Variants in PRKD2 observed in about 807,000 individuals in gnomAD.
PRKD2 encodes protein kinase D2.
Under a neutral mutation model 86.0 loss-of-function variants are expected in PRKD2, and 22 were observed. That is an observed-to-expected ratio of 0.26 (90% CI 0.18 to 0.37). PRKD2 has a LOEUF of 0.37. Among genes scored for constraint, PRKD2 ranks in the 10% least tolerant of loss-of-function variants. PRKD2 has a pLI of 1.00. For missense variants in PRKD2, 818 were observed against 1,199.2 expected (o/e 0.68, Z 4.70); for synonymous variants, 509 against 510.9 (o/e 1.00, Z 0.05).
chr19:46,683,675 G>A (rs968459536), intron 14 of PRKD2, among the ~76,000 whole-genome samples: 33 of 151,992 alleles, frequency 2.2e-4, no homozygotes, highest in Non-Finnish European at 4.0e-4. Flanking sequence ...TCGACATCGC[G>A]CCATTGCACT....
chr19:46,704,768 G>T, intron 3 of PRKD2, 119 bp from the exon 4 acceptor site: 1 of 1,301,284 alleles, frequency 7.7e-7, no homozygotes, highest in Non-Finnish European at 1.0e-6. Context: ...CCCCCCGCCA[G>T]CACGATCTCC....
At chr19:46,694,155 C>T in intron 9 of PRKD2, 22 bp from the exon 10 acceptor site, 16 of 1,609,740 alleles carry the variant, frequency 9.9e-6, no homozygotes, top group Non-Finnish European at 1.4e-5. Flanking sequence ...GGAACCAGCA[C>T]AGGTGAGGAT....
chr19:46,703,639 G>A (rs535643641), intron 5 of PRKD2, among the ~76,000 whole-genome samples: 28 of 152,152 alleles, frequency 1.8e-4, no homozygotes, highest in Admixed American at 1.6e-3. Flanking sequence ...AGGCATGGTG[G>A]CGGGCGCCTG....
chr19:46,714,274 A>C, intron 1 of PRKD2: 2 of 1,213,766 alleles, frequency 1.6e-6, no homozygotes, highest in Non-Finnish European at 2.1e-6. Flanking sequence ...GAGCGTGGAC[A>C]CCTCGAATTT....
chr19:46,678,765 T>G lies in PRKD2; in HGVS notation c.2071-102A>C, dbSNP rs2053251656. On this transcript the variant is annotated intron_variant, in intron 15 of 17. Coordinates refer to ENST00000291281, the MANE Select transcript of PRKD2 (RefSeq NM_016457.5). This position sits in a 1 kb window ranked among gnomAD's most constrained non-coding sequence, Gnocchi z 5.7. ...CCATGGTATTCCAGAGAAAGCTGGA[T>G]GCTGGTTTGAATCCAGGCTCCTTGG... 1 of 1,380,266 alleles carries G rather than the reference T, an allele frequency of 7.2e-7. No homozygotes were observed. Among genetic ancestry groups the G allele is most frequent in the Non-Finnish European group, 9.7e-7 (1 of 1,028,206 alleles). 85.5% of individuals were successfully genotyped at this position (1,380,266 alleles called of 1,614,324 possible).
chr19:46,694,421 C>G (rs573931278), intron 9 of PRKD2, among the ~76,000 whole-genome samples: 230 of 152,088 alleles, frequency 1.5e-3, no homozygotes, highest in Admixed American at 4.3e-3. Flanking sequence ...ATGGCAAAAT[C>G]CCGTCTCTAC....
rs2053237463 is a variant in PRKD2, at chr19:46,678,072, T to C, written c.2338+324A>G. ...TCTCCTGGTCACCGCAGCCCTTTGGTACCCTCAAGTCCAGTCCCTTTCCTG... is the reference window on the plus strand; with the variant it reads ...TCTCCTGGTCACCGCAGCCCTTTGGCACCCTCAAGTCCAGTCCCTTTCCTG... On this transcript the variant is annotated intron_variant, in intron 16 of 17. Transcript: ENST00000291281. This position sits in a 1 kb window ranked among gnomAD's most constrained non-coding sequence, Gnocchi z 5.7. Among the ~76,000 whole-genome samples, 2 of 152,162 alleles carry C rather than the reference T, an allele frequency of 1.3e-5. No individual in the cohort carries two copies.
chr19:46,697,752 T>C lies in PRKD2; in HGVS notation c.1220A>G (p.Tyr407Cys). The C allele has an allele frequency of 6.2e-7, 1 of 1,613,910 alleles. No individual in the cohort carries two copies. The highest frequency in any genetic ancestry group is 8.5e-7 in the Non-Finnish European group (1 of 1,179,964). ...TTLREGWVVHYSNKDTLRKRH... is the reference protein window; with the variant it reads ...TTLREGWVVHCSNKDTLRKRH... ...ACTCACCAGCGTGTCCTTGTTGCTG[T>C]AATGAACCACCCAACCCTCCCGCAG... The change falls in exon 8 of 18, where the codon TAC (tyrosine) becomes TGC (cysteine). Residue 407 changes from tyrosine to cysteine, a missense_variant. By Grantham distance (194) the Tyr-to-Cys change is radical. This residue lies in a region of PRKD2 where 127 missense variants were observed against 157.8 expected (regional missense o/e 0.80). Transcript: ENST00000291281.
At chr19:46,709,662 A>G in intron 3 of PRKD2, among the ~76,000 whole-genome samples, 1 of 151,496 alleles carries the variant, frequency 6.6e-6, no homozygotes, top group Non-Finnish European at 1.5e-5. Flanking sequence ...CACCCGGCCC[A>G]GTGGAGGTAT....
At chr19:46,690,752 C>G in intron 12 of PRKD2, 46 bp from the exon 13 acceptor site, 1 of 1,538,514 alleles carries the variant, frequency 6.5e-7, no homozygotes, top group Non-Finnish European at 9.0e-7. Flanking sequence ...GCAAGACCAC[C>G]CAGTCCTGGC....
intron 14 of PRKD2, 44 bp downstream of exon 14, chr19:46,689,493 A>C (rs777930726): frequency 5.8e-6 from 9 of 1,558,598 alleles, no homozygotes; most frequent in Non-Finnish European, 7.8e-6. Context: ...CCAAGCTGAC[A>C]CCTGATGGGG....
At chr19:46,714,078 A>G (rs948757415) in intron 1 of PRKD2, 77 bp from the exon 2 acceptor site, 2 of 1,527,016 alleles carry the variant, frequency 1.3e-6, no homozygotes, top group Non-Finnish European at 8.9e-7. Flanking sequence ...TGACCCTCCC[A>G]GGGCAGGGCC....
chr19:46,684,174 C>G (rs1290704606), intron 14 of PRKD2, among the ~76,000 whole-genome samples: 1 of 152,086 alleles, frequency 6.6e-6, no homozygotes, highest in Non-Finnish European at 1.5e-5. Flanking sequence ...GTTGCCCAGG[C>G]TGGTCTTAAA....
rs1159306440 is a variant in PRKD2 at position 46,680,924 on chromosome 19, C to CTATATATATATATATATA, written c.2070+708_2070+725dup. Among the ~76,000 whole-genome samples the CTATATATATATATATATA allele has an allele frequency of 3.1e-3, 226 of 72,328 alleles. 7 individuals carry two copies. Among genetic ancestry groups the CTATATATATATATATATA allele is most frequent in the Middle Eastern group, 0.02 (2 of 100 alleles). 47.4% of individuals were successfully genotyped at this position (72,328 alleles called of 152,430 possible). On this transcript the variant is annotated intron_variant, in intron 15 of 17. Coordinates refer to ENST00000291281, the MANE Select transcript of PRKD2 (RefSeq NM_016457.5). ...ATAAAGTGCTATATGTTGGGATAAA[C>CTATATATATATATATATA]TATATATATATATATATATATATTT...
intron 14 of PRKD2, among the ~76,000 whole-genome samples, 169 bp downstream of exon 14, chr19:46,689,368 A>G: frequency 6.6e-6 from 1 of 152,002 alleles, no homozygotes; most frequent in East Asian, 1.9e-4. Flanking sequence ...TGGGCCTCCC[A>G]AAGTGCTGGG....
intron 14 of PRKD2, among the ~76,000 whole-genome samples, chr19:46,682,973 A>G (rs1164442313): frequency 1.3e-5 from 2 of 151,744 alleles, no homozygotes; most frequent in Non-Finnish European, 2.9e-5. Flanking sequence ...AAGTGCTTGG[A>G]TAACAGGCGT....
intron 14 of PRKD2, chr19:46,688,728 C>T (rs1221243606): frequency 1.4e-4 from 22 of 152,278 alleles, no homozygotes; most frequent in Admixed American, 1.0e-3. Flanking sequence ...TGAGCCACCG[C>T]GCCTGGCATA....
intron 15 of PRKD2, among the ~76,000 whole-genome samples, chr19:46,680,944 ATATTT>A (rs1568714629): frequency 2.3e-5 from 1 of 43,078 alleles, no homozygotes; most frequent in African/African-American, 7.7e-5. Context: ...ATATATATAT[ATATTT>A]TTTTTTTTTT....
chr19:46,690,210 C>T (rs1050134824), intron 13 of PRKD2, among the ~76,000 whole-genome samples: 1 of 152,180 alleles, frequency 6.6e-6, no homozygotes, highest in Non-Finnish European at 1.5e-5. Flanking sequence ...CCACCCAGAT[C>T]CCCACTCAGC....
Sources: allele counts gnomAD v4.1 joint callset (sites outside exome capture counted in the v4.1 genomes callset), GRCh38; gene constraint gnomAD v4.1.1; regional missense constraint gnomAD v4.1.1; non-coding constraint Gnocchi (gnomAD v3.1); transcripts MANE v1.5; gene names NCBI Gene and HGNC (gene_info 2026-07-23, HGNC 2026-07-21).